Variants in ZBTB7C observed in about 807,000 individuals in gnomAD.
ZBTB7C encodes the protein zinc finger and BTB domain containing 7C.
A neutral mutation model predicts 25.7 loss-of-function variants in ZBTB7C; 8 were observed. The observed-to-expected ratio is 0.31, with a 90% CI of 0.18 to 0.56. The LOEUF is 0.56. Ranked by LOEUF, ZBTB7C falls within the 20% of genes least tolerant of loss-of-function variation. ZBTB7C has a pLI of 0.91. For missense variants in ZBTB7C, 824 were observed against 855.2 expected (o/e 0.96, Z 0.46); for synonymous variants, 394 against 369.0 (o/e 1.07, Z -0.78).
intron 2 of ZBTB7C, among the ~76,000 whole-genome samples, chr18:48,229,406 T>A (rs185341174): frequency 6.6e-6 from 1 of 152,334 alleles, no homozygotes; most frequent in Admixed American, 6.5e-5. Flanking sequence ...AATGTGTGGA[T>A]AATTCCATGT....
rs914554179 is a variant in ZBTB7C, at chr18:48,040,357, A to T, written c.751T>A (p.Phe251Ile). Residue 251 changes from phenylalanine (F) to isoleucine (I), a missense_variant, in exon 4 of 5, where the codon TTC becomes ATC. This residue lies in a region of ZBTB7C where 316 missense variants were observed against 299.2 expected (regional missense o/e 1.06). Coordinates refer to ENST00000590800, the MANE Select transcript of ZBTB7C (RefSeq NM_001318841.2). ...IPDRRPSLSPFAPDFFPHLWP... is the reference protein window; with the variant it reads ...IPDRRPSLSPIAPDFFPHLWP... ...AGGTGTGGAAAGAAGTCCGGGGCGA[A>T]TGGAGACAAGGAGGGTCTCCTGTCG... 1.9e-6 allele frequency: 3 copies of T among 1,610,240 alleles called. No homozygotes were observed. The highest frequency in any genetic ancestry group is 1.7e-4 in the Middle Eastern group (1 of 6,034).
In ZBTB7C at chr18:48,079,775, G is replaced by C. The variant is rs192791484; in HGVS notation, c.-16-38652C>G. On this transcript the variant is annotated intron_variant, in intron 3 of 4. Coordinates refer to ENST00000590800, the MANE Select transcript of ZBTB7C (RefSeq NM_001318841.2). ...TGCAGTTCTGCCATTCCACTTCGTG[G>C]GGTATGATGTAGCCTCTAGGACCTG... Among the ~76,000 whole-genome samples, 451 of 152,336 alleles carry C rather than the reference G, an allele frequency of 3.0e-3. 8 individuals are homozygous for C. The highest frequency in any genetic ancestry group is 1.3e-3 in the East Asian group (7 of 5,186).
intron 1 of ZBTB7C, among the ~76,000 whole-genome samples, chr18:48,389,222 CTCTCTCTCTCTCTCGTGTGT>C (rs1367419548): frequency 6.3e-4 from 80 of 126,758 alleles, no homozygotes; most frequent in African/African-American, 1.1e-3. Flanking sequence ...CTCTCTCTCT[CTCTCTCTCTCTCTCGTGTGT>C]GTGTGTGTGT....
rs555462907 is a variant in ZBTB7C, at chr18:48,276,749, C to T, written c.-79+61425G>A. 6.3e-3 allele frequency among the ~76,000 whole-genome samples: 528 copies of T among 83,334 alleles called. 2 individuals carry two copies. The highest frequency in any genetic ancestry group is 0.027 in the South Asian group (51 of 1,864). The allele number at this position is 83,334 out of a possible 152,430, so 54.7% of individuals were successfully genotyped here. On this transcript the variant is annotated intron_variant, in intron 2 of 4. Coordinates refer to ENST00000590800, the MANE Select transcript of ZBTB7C (RefSeq NM_001318841.2). ...AAGTCTTTGCTATTGTGAATAATGC[C>T]GCAATAAACATACGTGTGCATGTGT... is the stretch of plus-strand genomic sequence containing the variant.
intron 2 of ZBTB7C, among the ~76,000 whole-genome samples, chr18:48,262,726 A>G (rs1438429710): frequency 6.6e-6 from 1 of 152,120 alleles, no homozygotes; most frequent in African/African-American, 2.4e-5. Flanking sequence ...GTTCGAGAAG[A>G]CTGCATGTCC....
intron 3 of ZBTB7C, among the ~76,000 whole-genome samples, chr18:48,121,775 G>C (rs2144724282): frequency 6.6e-6 from 1 of 152,368 alleles, no homozygotes; most frequent in Admixed American, 6.5e-5. Flanking sequence ...GCTTAGGAGA[G>C]AGGCTGAGCA....
chr18:48,236,500 A>G (rs1028624006), intron 2 of ZBTB7C, among the ~76,000 whole-genome samples: 5 of 152,262 alleles, frequency 3.3e-5, no homozygotes, highest in Admixed American at 2.6e-4. Flanking sequence ...CTTAGGGAAG[A>G]GAAGTTCAGG....
intron 3 of ZBTB7C, among the ~76,000 whole-genome samples, chr18:48,043,378 C>T (rs1253540960): frequency 2.0e-5 from 3 of 152,134 alleles, no homozygotes; most frequent in Non-Finnish European, 2.9e-5. Context: ...GTGGTACATC[C>T]ATGCCAGGGA....
At chr18:48,098,265 G>A (rs1468073106) in intron 3 of ZBTB7C, among the ~76,000 whole-genome samples, 2 of 152,208 alleles carry the variant, frequency 1.3e-5, no homozygotes, top group Non-Finnish European at 2.9e-5. Flanking sequence ...GACGCCAGCA[G>A]CTTCTATGGA....
At chr18:48,388,407 C>T (rs569304572) in intron 1 of ZBTB7C, among the ~76,000 whole-genome samples, 5 of 152,218 alleles carry the variant, frequency 3.3e-5, no homozygotes, top group South Asian at 4.2e-4. Flanking sequence ...CTATGTTTCC[C>T]GCAGACTTCC....
At chr18:48,213,711 T>A (rs1007277022) in intron 2 of ZBTB7C, among the ~76,000 whole-genome samples, 2 of 152,348 alleles carry the variant, frequency 1.3e-5, no homozygotes, top group South Asian at 2.1e-4. Flanking sequence ...ATTTGGGTAC[T>A]GGTTCTGACT....
intron 2 of ZBTB7C, among the ~76,000 whole-genome samples, chr18:48,222,339 T>C (rs2042984104): frequency 6.6e-6 from 1 of 152,190 alleles, no homozygotes; most frequent in Admixed American, 6.5e-5. Flanking sequence ...TCCTGCATGA[T>C]CTTGGAGCTC....
chr18:48,326,743 A>C (rs1367872313), intron 2 of ZBTB7C, among the ~76,000 whole-genome samples: 1 of 152,244 alleles, frequency 6.6e-6, no homozygotes, highest in East Asian at 1.9e-4. Flanking sequence ...AAAACTAAGA[A>C]TACATACTTG....
chr18:48,040,581 T>C lies in ZBTB7C; in HGVS notation c.527A>G (p.Asn176Ser), dbSNP rs142193684. ...GCTGATGTCCTGGGGGTCAGGCAAG[T>C]TTTCTTGGTCAGCAAAGTCCTCCGT... Reference protein sequence around the residue: ...DDTEDFADQENLPDPQDISCH... With the variant: ...DDTEDFADQESLPDPQDISCH... The change falls in exon 4 of 5, where the codon AAC becomes AGC. Residue 176 changes from asparagine to serine, a missense_variant. Coordinates refer to ENST00000590800, the MANE Select transcript of ZBTB7C (RefSeq NM_001318841.2). The C allele has an allele frequency of 1.2e-6, 2 of 1,613,738 alleles. No homozygotes were observed. Among genetic ancestry groups the C allele is most frequent in the Non-Finnish European group, 1.7e-6 (2 of 1,179,934 alleles).
chr18:48,312,845 G>A (rs1468335941), intron 2 of ZBTB7C, among the ~76,000 whole-genome samples: 1 of 152,226 alleles, frequency 6.6e-6, no homozygotes, highest in Non-Finnish European at 1.5e-5. Context: ...TGAGAATGGA[G>A]TTATATCCTG....
intron 2 of ZBTB7C, among the ~76,000 whole-genome samples, chr18:48,264,952 CT>C (rs1047567278): frequency 1.3e-5 from 2 of 152,200 alleles, no homozygotes; most frequent in African/African-American, 4.8e-5. Flanking sequence ...GGTTATGCCA[CT>C]TGGGAAGGTC....
chr18:48,334,864 C>A (rs994176489), intron 2 of ZBTB7C, among the ~76,000 whole-genome samples: 2 of 152,142 alleles, frequency 1.3e-5, no homozygotes, highest in Admixed American at 1.3e-4. Flanking sequence ...AGAGAAGGAT[C>A]CCTGGGTTGG....
Position 48,325,079 on chromosome 18 carries a change from A to G in ZBTB7C, c.-79+13095T>C, listed in dbSNP as rs139226765. On this transcript the variant is annotated intron_variant, in intron 2 of 4. Transcript: ENST00000590800. ...ACACTGAGTTTGAAAGGTGCTGTGC[A>G]TGGTAACATGGGATTGAATGACTGA... Among the ~76,000 whole-genome samples the G allele has an allele frequency of 6.7e-3, 1,021 of 152,324 alleles. 3 individuals carry two copies. Among genetic ancestry groups the G allele is most frequent in the Non-Finnish European group, 0.011 (760 of 68,014 alleles).
At chr18:48,128,091 C>T (rs1232291828) in intron 3 of ZBTB7C, among the ~76,000 whole-genome samples, 2 of 152,222 alleles carry the variant, frequency 1.3e-5, no homozygotes, top group East Asian at 1.9e-4. Flanking sequence ...CACAGGCCTA[C>T]AGGAAATCAC....
Sources: gnomAD v4.1 joint callset for allele counts (sites outside exome capture counted in the v4.1 genomes callset) on GRCh38, gnomAD v4.1.1 for gene constraint, gnomAD v4.1.1 regional missense constraint, MANE v1.5 for transcripts, NCBI Gene and HGNC (gene_info 2026-07-23, HGNC 2026-07-21) for gene names.